Variants in IGSF11 observed in about 807,000 individuals in gnomAD.
IGSF11 encodes the protein CXADR like 1.
A neutral mutation model predicts 41.0 loss-of-function variants in IGSF11; 22 were observed. The observed-to-expected ratio is 0.54, with a 90% CI of 0.38 to 0.77. The LOEUF (loss-of-function observed/expected upper bound fraction) is 0.77. IGSF11 is among the 30% of genes least tolerant of loss of function. The pLI is 0.00. For synonymous variants in IGSF11, 219 were observed against 201.3 expected (o/e 1.09, Z -0.74); for missense variants, 444 against 530.8 (o/e 0.84, Z 1.61).
At chr3:119,077,451 T>C (rs1357402857) in intron 1 of IGSF11, among the ~76,000 whole-genome samples, 2 of 151,870 alleles carry the variant, frequency 1.3e-5, no homozygotes, top group Non-Finnish European at 2.9e-5. Flanking sequence ...CTCATAAATA[T>C]GTACAATTAT....
chr3:118,913,761 G>A (rs1051107336), intron 4 of IGSF11, among the ~76,000 whole-genome samples: 12 of 152,142 alleles, frequency 7.9e-5, no homozygotes, highest in Non-Finnish European at 1.2e-4. Context: ...AAATAAAACC[G>A]TAATGTATAC....
chr3:119,100,877 C>A (rs1018600798), intron 1 of IGSF11, among the ~76,000 whole-genome samples: 3 of 152,108 alleles, frequency 2.0e-5, no homozygotes, highest in African/African-American at 7.2e-5. Context: ...AATCGAAAGT[C>A]ATGGAATGGG....
chr3:118,904,713 C>A lies in IGSF11; in HGVS notation c.789G>T (p.Gly263=). ...TTTTGCTTCTCCAGTAAAAGAATGC[C>A]CCTAAAATTAGTGCAATGCAAAAAA... ...IIIFCIALIL[G]AFFYWRSKNK... The change falls in exon 6 of 7, where the codon GGG becomes GGT. Residue 263 remains glycine (G), a synonymous_variant. Coordinates refer to ENST00000393775, the MANE Select transcript of IGSF11 (RefSeq NM_001015887.3). 1 of 1,612,762 alleles carries A rather than the reference C, an allele frequency of 6.2e-7. No homozygotes were observed. The highest frequency in any genetic ancestry group is 8.5e-7 in the Non-Finnish European group (1 of 1,179,044).
intron 1 of IGSF11, among the ~76,000 whole-genome samples, chr3:119,094,226 A>T (rs2076811856): frequency 1.7e-5 from 1 of 57,716 alleles, no homozygotes; most frequent in Non-Finnish European, 3.8e-5. Context: ...AGCGAAGTAA[A>T]AAAAAAAAAA....
chr3:118,950,258 T>G (rs1160904033), intron 1 of IGSF11, among the ~76,000 whole-genome samples: 1 of 152,126 alleles, frequency 6.6e-6, no homozygotes, highest in Non-Finnish European at 1.5e-5. Flanking sequence ...TGAATAGCCC[T>G]AAGGGATCTG....
At chr3:118,963,411 A>G (rs1010165598) in intron 1 of IGSF11, among the ~76,000 whole-genome samples, 5 of 152,236 alleles carry the variant, frequency 3.3e-5, no homozygotes, top group Non-Finnish European at 5.9e-5. Context: ...TAAACATGCA[A>G]TAATCAGAAG....
rs769388180 is a variant in IGSF11, at chr3:119,032,968, C to T, written c.52+1563G>A. ...TTTTTGAAAGTGGAAAATGCCTCTA[C>T]ATAACAGGTTATTGCCAAAACTGAG... On this transcript the variant is annotated intron_variant, in intron 1 of 6. Coordinates refer to ENST00000393775, the MANE Select transcript of IGSF11 (RefSeq NM_001015887.3). 8.2e-4 allele frequency among the ~76,000 whole-genome samples: 125 copies of T among 152,136 alleles called. 1 individual carries two copies. The highest frequency in any genetic ancestry group is 1.6e-3 in the Non-Finnish European group (106 of 68,020).
At chr3:119,029,045 GA>G (rs141453817) in intron 1 of IGSF11, among the ~76,000 whole-genome samples, 3,752 of 149,732 alleles carry the variant, frequency 0.025, 134 homozygotes, top group African/African-American at 0.087. Flanking sequence ...TTTAAAATAT[GA>G]AAAAAAAAGA....
intron 1 of IGSF11, among the ~76,000 whole-genome samples, chr3:119,047,068 C>G: frequency 6.7e-6 from 1 of 148,378 alleles, no homozygotes; most frequent in Non-Finnish European, 1.5e-5. Flanking sequence ...ACCATCGAGA[C>G]TAGGAAGAAA....
chr3:118,931,604 A>T (rs1317281371), intron 1 of IGSF11, among the ~76,000 whole-genome samples: 1 of 152,214 alleles, frequency 6.6e-6, no homozygotes, highest in Admixed American at 6.5e-5. Flanking sequence ...ATCTATAGAG[A>T]CAGAAAATAG....
intron 1 of IGSF11, among the ~76,000 whole-genome samples, chr3:119,093,595 C>T (rs2076800562): frequency 6.6e-6 from 1 of 152,176 alleles, no homozygotes. Flanking sequence ...GGCTCAGCAG[C>T]AGTTTACTTC....
chr3:118,938,095 G>A (rs775043872), intron 1 of IGSF11, among the ~76,000 whole-genome samples: 2 of 151,956 alleles, frequency 1.3e-5, no homozygotes, highest in East Asian at 1.9e-4. Context: ...ATATGTGTGT[G>A]TATACATGCT....
chr3:119,118,924 T>G (rs2077296257), intron 1 of IGSF11, among the ~76,000 whole-genome samples: 1 of 152,212 alleles, frequency 6.6e-6, no homozygotes, highest in Admixed American at 6.5e-5. Context: ...AGAATCACCT[T>G]TGCTCCAGTT....
chr3:118,966,224 A>T (rs1945666029), intron 1 of IGSF11, among the ~76,000 whole-genome samples: 1 of 152,180 alleles, frequency 6.6e-6, no homozygotes, highest in South Asian at 2.1e-4. Flanking sequence ...GGACCATACA[A>T]ATGTGTGGAG....
At chr3:118,941,280 C>T (rs1024074549) in intron 1 of IGSF11, among the ~76,000 whole-genome samples, 15 of 152,028 alleles carry the variant, frequency 9.9e-5, no homozygotes, top group African/African-American at 3.6e-4. Context: ...TAAAATTCAA[C>T]AAAACAAACA....
At chr3:119,025,946 T>C (rs1393439365) in intron 1 of IGSF11, among the ~76,000 whole-genome samples, 2 of 152,098 alleles carry the variant, frequency 1.3e-5, no homozygotes, top group African/African-American at 4.8e-5. Context: ...TTAAAAAGAA[T>C]GAGGTAGATC....
intron 1 of IGSF11, among the ~76,000 whole-genome samples, chr3:118,995,652 T>C (rs1936194089): frequency 6.6e-6 from 1 of 151,910 alleles, no homozygotes; most frequent in African/African-American, 2.4e-5. Flanking sequence ...CTTGTTTATT[T>C]ATTTATTTAT....
At chr3:119,077,078 C>T (rs1037815549) in intron 1 of IGSF11, among the ~76,000 whole-genome samples, 1 of 152,156 alleles carries the variant, frequency 6.6e-6, no homozygotes, top group Non-Finnish European at 1.5e-5. Context: ...CCATGGAATA[C>T]TGTGCAGCCA....
intron 1 of IGSF11, among the ~76,000 whole-genome samples, chr3:119,021,691 G>A (rs1479118527): frequency 6.6e-6 from 1 of 152,048 alleles, no homozygotes; most frequent in Non-Finnish European, 1.5e-5. Context: ...AATTCTAGAT[G>A]GGCTGTAGGT....
Sources: gnomAD v4.1 joint callset for allele counts (sites outside exome capture counted in the v4.1 genomes callset) on GRCh38, gnomAD v4.1.1 for gene constraint, MANE v1.5 for transcripts, NCBI Gene and HGNC (gene_info 2026-07-23, HGNC 2026-07-21) for gene names.